The following CACNB4 variants were observed in gnomAD, a reference collection of about 807,000 sequenced individuals.
The protein encoded by CACNB4 is voltage-dependent L-type calcium channel subunit beta-4.
Under a neutral mutation model 71.2 loss-of-function variants are expected in CACNB4, and 32 were observed. That is an observed-to-expected ratio of 0.45 (90% CI 0.34 to 0.60). CACNB4 has a LOEUF of 0.60. Ranked by LOEUF, CACNB4 falls within the 20% of genes least tolerant of loss-of-function variation. The probability of loss-of-function intolerance (pLI) is 0.01; values close to 1 mark genes in which losing one functional copy is unlikely to be tolerated. For missense variants in CACNB4, 464 were observed against 647.9 expected (o/e 0.72, Z 3.08); for synonymous variants, 231 against 236.9 (o/e 0.97, Z 0.23).
At chr2:151,848,661 A>G (rs988381514) in intron 12 of CACNB4, among the ~76,000 whole-genome samples, 8 of 152,200 alleles carry the variant, frequency 5.3e-5, no homozygotes, top group African/African-American at 9.6e-5. Context: ...TACTGAGGAG[A>G]TGAGTTCCCC....
intron 2 of CACNB4, among the ~76,000 whole-genome samples, chr2:151,977,044 C>T (rs1183416189): frequency 6.7e-6 from 1 of 149,922 alleles, no homozygotes; most frequent in Non-Finnish European, 1.5e-5. Flanking sequence ...TTCTGGCCTA[C>T]TTCTCCCACC....
At chr2:151,940,512 T>C (rs2099863970) in intron 2 of CACNB4, among the ~76,000 whole-genome samples, 1 of 152,204 alleles carries the variant, frequency 6.6e-6, no homozygotes, top group African/African-American at 2.4e-5. Context: ...CTTGGGCACA[T>C]CTGAGTGCTA....
intron 2 of CACNB4, chr2:151,973,975 G>A: frequency 8.3e-7 from 1 of 1,208,370 alleles, no homozygotes. Context: ...ACAGACTGGT[G>A]ACTGAGCTAG....
intron 2 of CACNB4, among the ~76,000 whole-genome samples, chr2:152,094,335 T>A (rs1285194891): frequency 6.6e-6 from 1 of 152,094 alleles, no homozygotes; most frequent in African/African-American, 2.4e-5. Context: ...GGGAAGACAG[T>A]GTGTTCAAAC....
At position 151,856,151 on chromosome 2, in the gene CACNB4, GT is replaced by G. The variant is rs59011015; in HGVS notation, c.869-777del. On this transcript the variant is annotated intron_variant, in intron 10 of 13. Coordinates refer to ENST00000539935, the MANE Select transcript of CACNB4 (RefSeq NM_000726.5). ...CTTTTCAAATGTCTGAAGCAATCCA[GT>G]TTTTTTTTTTTTTAAGGAAAACAGA... 8.0e-3 allele frequency among the ~76,000 whole-genome samples: 1,129 copies of G among 140,834 alleles called. 36 individuals carry two copies. The East Asian group carries it at 0.12, about 15-fold the overall frequency. The allele number at this position is 140,834 out of a possible 152,430, so 92.4% of individuals were successfully genotyped here.
At chr2:152,086,434 C>T (rs939280944) in intron 2 of CACNB4, among the ~76,000 whole-genome samples, 6 of 152,192 alleles carry the variant, frequency 3.9e-5, no homozygotes, top group Non-Finnish European at 8.8e-5. Context: ...TGACTTTTGT[C>T]CCCCAGGGAA....
At chr2:152,082,321 AT>A (rs1379200239) in intron 2 of CACNB4, among the ~76,000 whole-genome samples, 4 of 152,334 alleles carry the variant, frequency 2.6e-5, no homozygotes, top group Non-Finnish European at 5.9e-5. Flanking sequence ...AGTTTCCAAT[AT>A]TTGATACTGA....
chr2:152,044,714 T>C (rs1396451967), intron 2 of CACNB4, among the ~76,000 whole-genome samples: 1 of 152,200 alleles, frequency 6.6e-6, no homozygotes, highest in Non-Finnish European at 1.5e-5. Context: ...GTTTGGGTCA[T>C]TTTCTTTGGC....
chr2:151,851,778 G>A (rs1452559797), intron 12 of CACNB4: 2 of 152,160 alleles, frequency 1.3e-5, no homozygotes, highest in Non-Finnish European at 2.9e-5. Flanking sequence ...CTTCCCAGAA[G>A]ACCAAACTGA....
Position 152,098,761 on chromosome 2 carries a change from G to T in CACNB4, c.63+188C>A. Reference sequence around the variant, plus strand: ...GAAGGAGGGTGAGGAGGAGGAGGAAGAGAAGGAGGAGAAAGAGGAGGAGCG... The same window carrying T: ...GAAGGAGGGTGAGGAGGAGGAGGAATAGAAGGAGGAGAAAGAGGAGGAGCG... On this transcript the variant is annotated intron_variant, in intron 1 of 13. Transcript: ENST00000539935. The surrounding 1 kb of genome is among the most constrained non-coding windows in gnomAD (Gnocchi z 5.3). 1 of 1,391,400 alleles carries T rather than the reference G, an allele frequency of 7.2e-7. No homozygotes were observed. The allele number at this position is 1,391,400 out of a possible 1,614,324, so 86.2% of individuals were successfully genotyped here. A position where few individuals can be genotyped will look rare whatever the true frequency, so the allele number is the denominator to read the frequency against.
chr2:151,950,580 T>G (rs1022954494), intron 2 of CACNB4, among the ~76,000 whole-genome samples: 1 of 152,218 alleles, frequency 6.6e-6, no homozygotes, highest in Non-Finnish European at 1.5e-5. Flanking sequence ...TAGATGCTCA[T>G]CAGCAGATGA....
chr2:152,062,675 T>C (rs897124859), intron 2 of CACNB4, among the ~76,000 whole-genome samples: 1 of 152,126 alleles, frequency 6.6e-6, no homozygotes, highest in Non-Finnish European at 1.5e-5. Flanking sequence ...TCCACCAGCT[T>C]TGGAGCAGCT....
At chr2:152,091,124 C>T (rs891096265) in intron 2 of CACNB4, among the ~76,000 whole-genome samples, 13 of 152,052 alleles carry the variant, frequency 8.5e-5, no homozygotes, top group East Asian at 1.9e-4. Context: ...GACTGGTTAA[C>T]GGGTTAGCTA....
chr2:152,071,529 T>C (rs1016449938), intron 2 of CACNB4, among the ~76,000 whole-genome samples: 1 of 152,222 alleles, frequency 6.6e-6, no homozygotes, highest in Non-Finnish European at 1.5e-5. Flanking sequence ...GCATGTTCTA[T>C]GTTAATGATG....
chr2:152,004,768 G>C (rs1204600646), intron 2 of CACNB4, among the ~76,000 whole-genome samples: 1 of 152,218 alleles, frequency 6.6e-6, no homozygotes, highest in African/African-American at 2.4e-5. Context: ...GGAGGAGTCA[G>C]AGGCACTGTG....
chr2:152,029,780 C>T (rs1219239066), intron 2 of CACNB4, among the ~76,000 whole-genome samples: 1 of 152,188 alleles, frequency 6.6e-6, no homozygotes, highest in Non-Finnish European at 1.5e-5. Context: ...TGGATTGACC[C>T]CTTGCCCCTT....
intron 2 of CACNB4, among the ~76,000 whole-genome samples, chr2:151,985,132 A>G (rs1373088360): frequency 6.6e-6 from 1 of 152,022 alleles, no homozygotes; most frequent in Non-Finnish European, 1.5e-5. Context: ...GGAAAATTCA[A>G]AAGAGTAAGA....
At chr2:152,052,000 G>A (rs565845314) in intron 2 of CACNB4, among the ~76,000 whole-genome samples, 1 of 152,340 alleles carries the variant, frequency 6.6e-6, no homozygotes, top group South Asian at 2.1e-4. Flanking sequence ...CAGACATAGT[G>A]TTAGCATAAT....
chr2:151,964,059 C>G (rs1457968533), intron 2 of CACNB4, among the ~76,000 whole-genome samples: 7 of 110,806 alleles, frequency 6.3e-5, no homozygotes, highest in Non-Finnish European at 1.2e-4. Context: ...GAGCAAGACT[C>G]TGTCTCACAG....
Sources: allele counts gnomAD v4.1 joint callset (sites outside exome capture counted in the v4.1 genomes callset), GRCh38; gene constraint gnomAD v4.1.1; non-coding constraint Gnocchi (gnomAD v3.1); transcripts MANE v1.5; gene names NCBI Gene and HGNC (gene_info 2026-07-23, HGNC 2026-07-21).